The following HMG20A variants were observed in gnomAD, a reference collection of about 807,000 sequenced individuals.
The protein encoded by HMG20A is high mobility group 20A.
Under a neutral mutation model 43.9 loss-of-function variants are expected in HMG20A, and 17 were observed. The observed-to-expected ratio is 0.39, with a 90% CI of 0.27 to 0.58. The LOEUF is 0.58. Ranked by LOEUF, HMG20A falls within the 20% of genes least tolerant of loss-of-function variation. The pLI is 0.59. For synonymous variants in HMG20A, 132 were observed against 147.5 expected (o/e 0.89, Z 0.76); for missense variants, 341 against 438.2 (o/e 0.78, Z 1.98).
At chr15:77,429,883 T>G (rs1035441130) in intron 1 of HMG20A, among the ~76,000 whole-genome samples, 3 of 152,176 alleles carry the variant, frequency 2.0e-5, no homozygotes, top group Non-Finnish European at 4.4e-5. Context: ...ATGTGATTGG[T>G]GTCTATTTCT....
the HMG20A span, among the ~76,000 whole-genome samples, chr15:77,506,753 C>T: frequency 1.3e-5 from 2 of 152,372 alleles, no homozygotes; most frequent in Non-Finnish European, 2.9e-5. Flanking sequence ...CAGAGGCTCC[C>T]AGACCCTGGA....
chr15:77,426,667 A>C (rs2073431026), intron 1 of HMG20A, among the ~76,000 whole-genome samples: 1 of 152,160 alleles, frequency 6.6e-6, no homozygotes, highest in Admixed American at 6.5e-5. Context: ...CTGTACAAAA[A>C]AAATCCTGAA....
intron 1 of HMG20A, among the ~76,000 whole-genome samples, chr15:77,443,902 G>A (rs1567394614): frequency 6.6e-6 from 1 of 151,912 alleles, no homozygotes; most frequent in Non-Finnish European, 1.5e-5. Flanking sequence ...GTAGAGATGG[G>A]GTTTCGCCAT....
the HMG20A span, among the ~76,000 whole-genome samples, chr15:77,502,689 C>T: frequency 1.4e-4 from 21 of 152,136 alleles, no homozygotes; most frequent in Non-Finnish European, 2.2e-4. Flanking sequence ...TGTTAAAGGC[C>T]AGGTTCAATG....
At chr15:77,510,170 G>A in the HMG20A span, among the ~76,000 whole-genome samples, 1 of 152,158 alleles carries the variant, frequency 6.6e-6, no homozygotes, top group Non-Finnish European at 1.5e-5. Context: ...TGAGCTCCCT[G>A]AGGGTGGATT....
intron 3 of HMG20A, among the ~76,000 whole-genome samples, chr15:77,466,334 T>C (rs1187547290): frequency 6.6e-6 from 1 of 152,060 alleles, no homozygotes; most frequent in African/African-American, 2.4e-5. Flanking sequence ...TGAGCCGAGA[T>C]AGCGCCATTG....
the HMG20A span, among the ~76,000 whole-genome samples, chr15:77,509,555 C>CGT: frequency 9.3e-3 from 1,069 of 115,446 alleles, 8 homozygotes; most frequent in African/African-American, 0.021. Context: ...TGTGCCCAGC[C>CGT]GTGTGTGTGT....
At chr15:77,448,853 G>A (rs1239423817) in intron 1 of HMG20A, among the ~76,000 whole-genome samples, 2 of 152,050 alleles carry the variant, frequency 1.3e-5, no homozygotes, top group Admixed American at 6.6e-5. Flanking sequence ...GGAGGCCGAG[G>A]TGGGTGGATC....
At chr15:77,477,934 A>G (rs2072870959) in intron 7 of HMG20A, among the ~76,000 whole-genome samples, 1 of 152,246 alleles carries the variant, frequency 6.6e-6, no homozygotes, top group Non-Finnish European at 1.5e-5. Flanking sequence ...CCATTGTGGT[A>G]AAGATGGGTA....
chr15:77,464,259 C>T lies in HMG20A; in HGVS notation c.109C>T (p.Pro37Ser). Residue 37 changes from proline (P) to serine (S), a missense_variant, in exon 3 of 10, where the codon CCA (proline) becomes TCA (serine). Transcript: ENST00000336216. ...ATTCAGGTTAAATCACCCAGAGGTT[C>T]CATACAGTAGTGGCGCCACATCATC... is the stretch of plus-strand genomic sequence containing the variant. The part of the protein sequence containing the change: ...ATTGLNHPEV[P>S]YSSGATSSTN... 1.2e-6 allele frequency: 2 copies of T among 1,613,740 alleles called. No homozygotes were observed. The highest frequency in any genetic ancestry group is 1.7e-6 in the Non-Finnish European group (2 of 1,179,750).
At chr15:77,508,949 G>A in the HMG20A span, among the ~76,000 whole-genome samples, 1 of 152,212 alleles carries the variant, frequency 6.6e-6, no homozygotes, top group Admixed American at 6.5e-5. Context: ...GCAGGGAGGA[G>A]CTGCTTCCCA....
At chr15:77,492,495 T>C in the HMG20A span, among the ~76,000 whole-genome samples, 689 of 152,178 alleles carry the variant, frequency 4.5e-3, 5 homozygotes, top group African/African-American at 0.016. Context: ...GATAGACTGG[T>C]TAGGAGACTG....
At chr15:77,475,949 T>G (rs1595931366) in intron 6 of HMG20A, among the ~76,000 whole-genome samples, 1 of 152,226 alleles carries the variant, frequency 6.6e-6, no homozygotes, top group Non-Finnish European at 1.5e-5. Context: ...TCTGGGAAAC[T>G]TTGCTTTCTT....
intron 1 of HMG20A, among the ~76,000 whole-genome samples, chr15:77,437,911 C>T (rs1177479620): frequency 6.6e-6 from 1 of 151,854 alleles, no homozygotes; most frequent in East Asian, 1.9e-4. Flanking sequence ...ATAGAGAGTT[C>T]TCAATAGCAG....
chr15:77,428,198 A>G (rs2073445802), intron 1 of HMG20A, among the ~76,000 whole-genome samples: 1 of 152,222 alleles, frequency 6.6e-6, no homozygotes. Flanking sequence ...GGTTAAACCC[A>G]CATTTTCAAG....
chr15:77,479,838 G>T (rs2072890597), intron 9 of HMG20A, among the ~76,000 whole-genome samples: 1 of 152,088 alleles, frequency 6.6e-6, no homozygotes, highest in South Asian at 2.1e-4. Flanking sequence ...AAATACTAAT[G>T]ATAATTTAGA....
the HMG20A span, among the ~76,000 whole-genome samples, chr15:77,499,599 G>T: frequency 2.6e-5 from 4 of 152,052 alleles, no homozygotes; most frequent in Non-Finnish European, 5.9e-5. Context: ...TCCAGGACAG[G>T]CCTTTGTGGG....
In HMG20A at chr15:77,484,869, T is replaced by C. The variant is rs921129951; in HGVS notation, c.*1906T>C. 6.6e-6 allele frequency: 1 copy of C among 152,226 alleles called. No homozygotes were observed. The highest frequency in any genetic ancestry group is 6.5e-5 in the Admixed American group (1 of 15,274). The allele number at this position is 152,226 out of a possible 1,614,324, so 9.4% of individuals were successfully genotyped here. A position where few individuals can be genotyped will look rare whatever the true frequency, so the allele number is the denominator to read the frequency against. ...GAGCCCATTCTGGAGTTTTGTTTTT[T>C]CCTTCTGCCAGATGCTTTGTGTCCT... On this transcript the variant is annotated 3_prime_UTR_variant, in exon 10 of 10. Coordinates refer to ENST00000336216, the MANE Select transcript of HMG20A (RefSeq NM_001304504.2).
At chr15:77,512,742 T>A in the HMG20A span, among the ~76,000 whole-genome samples, 3 of 152,004 alleles carry the variant, frequency 2.0e-5, no homozygotes, top group Admixed American at 2.0e-4. Context: ...AACAGGATAT[T>A]TACCTAATTT....
Sources: gnomAD v4.1 joint callset for allele counts (sites outside exome capture counted in the v4.1 genomes callset) on GRCh38, gnomAD v4.1.1 for gene constraint, MANE v1.5 for transcripts, NCBI Gene and HGNC (gene_info 2026-07-23, HGNC 2026-07-21) for gene names.